The following CMSS1 variants were observed in gnomAD, a reference collection of about 807,000 sequenced individuals.
The protein encoded by CMSS1 is cms1 ribosomal small subunit homolog.
In CMSS1, 33 loss-of-function variants were observed where a neutral mutation model predicts 43.5. That is an observed-to-expected ratio of 0.76 (90% CI 0.57 to 1.01). CMSS1 has a LOEUF of 1.01. Ranked by LOEUF, CMSS1 falls within the 50% of genes least tolerant of loss-of-function variation. CMSS1 has a pLI of 0.00. For missense variants in CMSS1, 313 were observed against 326.4 expected (o/e 0.96, Z 0.32); for synonymous variants, 115 against 117.2 (o/e 0.98, Z 0.12).
intron 1 of CMSS1, among the ~76,000 whole-genome samples, chr3:99,835,619 ACT>A (rs1942865491): frequency 2.0e-5 from 3 of 152,140 alleles, no homozygotes; most frequent in Admixed American, 2.0e-4. Context: ...GGAATGTGAA[ACT>A]CTGCAAAGTC....
intron 1 of CMSS1, chr3:99,848,414 G>C (rs202015243): frequency 1.2e-6 from 2 of 1,614,064 alleles, no homozygotes. Context: ...CGGTTATCCT[G>C]CAGTGGTGCT....
At chr3:100,101,307 G>A (rs1481787248) in intron 1 of CMSS1, among the ~76,000 whole-genome samples, 4 of 152,170 alleles carry the variant, frequency 2.6e-5, no homozygotes, top group Non-Finnish European at 4.4e-5. Context: ...GAGAGGGAGT[G>A]CATTGACTTC....
At chr3:100,067,297 A>G (rs1241336112) in intron 1 of CMSS1, among the ~76,000 whole-genome samples, 1 of 152,212 alleles carries the variant, frequency 6.6e-6, no homozygotes, top group Non-Finnish European at 1.5e-5. Flanking sequence ...CTTTCTTGGC[A>G]TTTATACAAG....
chr3:100,135,442 G>GCA, intron 1 of CMSS1, among the ~76,000 whole-genome samples: 1 of 49,672 alleles, frequency 2.0e-5, no homozygotes, highest in Non-Finnish European at 4.0e-5. Context: ...GTGTGCATGT[G>GCA]TGTGTGTGTG....
At chr3:100,063,152 G>A (rs2065603144) in intron 1 of CMSS1, among the ~76,000 whole-genome samples, 1 of 152,036 alleles carries the variant, frequency 6.6e-6, no homozygotes, top group Non-Finnish European at 1.5e-5. Flanking sequence ...TACTGCTGAG[G>A]TATCAGTACC....
rs575533855 is a variant in CMSS1, at chr3:99,952,052, C to T, written c.64+134009C>T. Among the ~76,000 whole-genome samples, 7 of 152,256 alleles carry T rather than the reference C, an allele frequency of 4.6e-5. No individual in the cohort carries two copies. In the East Asian group the frequency reaches 1.3e-3, roughly 29 times the overall value. On this transcript the variant is annotated intron_variant, in intron 1 of 9. Coordinates refer to ENST00000421999, the MANE Select transcript of CMSS1 (RefSeq NM_032359.4). Reference sequence around the variant, plus strand: ...GTTTATTCCAGTGGACCATATGTAACTGCACATGTGACCTAGGGCCAACTC... The same window carrying T: ...GTTTATTCCAGTGGACCATATGTAATTGCACATGTGACCTAGGGCCAACTC...
chr3:100,076,178 T>G lies in CMSS1; in HGVS notation c.65-70795T>G, dbSNP rs184297350. On this transcript the variant is annotated intron_variant, in intron 1 of 9. Transcript: ENST00000421999. Reference sequence around the variant, plus strand: ...AAACCCTTAAAAATGTAAACAATAATTTTGATCAGAGTTAAGTACCTCTTT... The same window carrying G: ...AAACCCTTAAAAATGTAAACAATAAGTTTGATCAGAGTTAAGTACCTCTTT... Among the ~76,000 whole-genome samples, 287 of 152,326 alleles carry G rather than the reference T, an allele frequency of 1.9e-3. 2 individuals carry two copies. Among genetic ancestry groups the G allele is most frequent in the Admixed American group, 3.7e-3 (56 of 15,298 alleles).
intron 1 of CMSS1, among the ~76,000 whole-genome samples, chr3:99,986,880 G>A (rs2107116078): frequency 6.6e-6 from 1 of 152,304 alleles, no homozygotes; most frequent in Admixed American, 6.5e-5. Context: ...ATAGTGCCAA[G>A]GTGGAGAAAC....
chr3:99,997,092 C>G (rs953985530), intron 1 of CMSS1, among the ~76,000 whole-genome samples: 2 of 151,952 alleles, frequency 1.3e-5, no homozygotes, highest in Non-Finnish European at 2.9e-5. Context: ...CCAAAGTTAG[C>G]AGAAGAAAAG....
intron 1 of CMSS1, among the ~76,000 whole-genome samples, chr3:99,973,328 G>C (rs1470896329): frequency 6.6e-6 from 1 of 152,180 alleles, no homozygotes; most frequent in Non-Finnish European, 1.5e-5. Flanking sequence ...TTTTCTGTGT[G>C]TGTATGCAAA....
chr3:100,021,946 TGTGTGTGTGTGTGTGAGA>T (rs2064827323), intron 1 of CMSS1, among the ~76,000 whole-genome samples: 1 of 129,406 alleles, frequency 7.7e-6, no homozygotes, highest in Non-Finnish European at 1.7e-5. Context: ...TGTGTGTGTG[TGTGTGTGTGTGTGTGAGA>T]GAGAGAGAGA....
At chr3:99,892,619 A>T (rs1559678239) in intron 1 of CMSS1, among the ~76,000 whole-genome samples, 1 of 152,074 alleles carries the variant, frequency 6.6e-6, no homozygotes. Context: ...CAGGCATCTC[A>T]TCCAAACCTG....
chr3:99,833,389 G>T, intron 1 of CMSS1: 1 of 717,222 alleles, frequency 1.4e-6, no homozygotes, highest in Non-Finnish European at 2.4e-6. Flanking sequence ...GTTACAGTGA[G>T]TTATTAGAAG....
intron 4 of CMSS1, 70 bp from the exon 5 acceptor site, chr3:100,166,265 A>G: frequency 3.0e-6 from 3 of 1,014,028 alleles, no homozygotes; most frequent in Non-Finnish European, 4.7e-6. Context: ...CTCATAACTC[A>G]CATATAATCT....
chr3:100,022,401 G>A (rs2064842623), intron 1 of CMSS1, among the ~76,000 whole-genome samples: 5 of 152,132 alleles, frequency 3.3e-5, no homozygotes, highest in Admixed American at 2.6e-4. Context: ...GCTTGTTACG[G>A]CACAACTCTG....
At position 99,988,542 on chromosome 3, in the gene CMSS1, A is replaced by G. The variant is rs192485619; in HGVS notation, c.65-158431A>G. 8.9e-3 allele frequency among the ~76,000 whole-genome samples: 1,330 copies of G among 149,408 alleles called. 15 individuals are homozygous for G. The highest frequency in any genetic ancestry group is 0.016 in the Non-Finnish European group (1,053 of 67,242). ...AAAAAAAAAAAAAAGAAAGAAAAGG[A>G]AAAAAAAAGAAAGTCTGAAATATAT... On this transcript the variant is annotated intron_variant, in intron 1 of 9. Transcript: ENST00000421999.
intron 1 of CMSS1, chr3:100,025,643 T>C (rs887606959): frequency 6.6e-6 from 1 of 152,196 alleles, no homozygotes; most frequent in African/African-American, 2.4e-5. Flanking sequence ...TTTGGGTTCA[T>C]GTTATTTCTG....
chr3:100,071,090 CTTTTTTTTT>C (rs61563009), intron 1 of CMSS1, among the ~76,000 whole-genome samples: 3 of 70,588 alleles, frequency 4.3e-5, no homozygotes, highest in Admixed American at 1.5e-4. Context: ...GCTACTCTCT[CTTTTTTTTT>C]TTTTTTTTTT....
chr3:100,041,179 C>T (rs1410661176), intron 1 of CMSS1: 2 of 152,142 alleles, frequency 1.3e-5, no homozygotes, highest in African/African-American at 4.8e-5. Context: ...CTTCTGCCTG[C>T]CCCACCCTAA....
Sources: allele counts gnomAD v4.1 joint callset (sites outside exome capture counted in the v4.1 genomes callset), GRCh38; gene constraint gnomAD v4.1.1; transcripts MANE v1.5; gene names NCBI Gene and HGNC (gene_info 2026-07-23, HGNC 2026-07-21).